TNS1: variants seen among roughly 807,000 people sequenced by gnomAD.
The protein encoded by TNS1 is tensin 1.
In TNS1, 62 loss-of-function variants were observed where a neutral mutation model predicts 168.6. That is an observed-to-expected ratio of 0.37 (90% CI 0.30 to 0.45). TNS1 has a LOEUF of 0.45. TNS1 is among the 20% of genes least tolerant of loss of function. TNS1 has a pLI of 1.00. For synonymous variants in TNS1, 934 were observed against 933.2 expected (o/e 1.00, Z -0.02); for missense variants, 2,240 against 2,339.4 (o/e 0.96, Z 0.88).
rs150914899 is a variant in TNS1 at position 217,866,293 on chromosome 2, G to A, written c.1429+14605C>T. Among the ~76,000 whole-genome samples the A allele has an allele frequency of 2.4e-3, 358 of 152,322 alleles. 2 individuals are homozygous for A. Among genetic ancestry groups the A allele is most frequent in the African/African-American group, 8.4e-3 (348 of 41,580 alleles). On this transcript the variant is annotated intron_variant, in intron 18 of 32. Coordinates refer to ENST00000682258, the MANE Select transcript of TNS1 (RefSeq NM_001387777.1). Reference sequence around the variant, plus strand: ...GTGCAATGGCAGAGGGCAAGTATAGGTGATCCCTAAAGTCCTGTTTGGATC... The same window carrying A: ...GTGCAATGGCAGAGGGCAAGTATAGATGATCCCTAAAGTCCTGTTTGGATC...
chr2:217,922,961 T>C (rs1292574589), intron 3 of TNS1, among the ~76,000 whole-genome samples: 4 of 152,296 alleles, frequency 2.6e-5, no homozygotes, highest in Non-Finnish European at 5.9e-5. Flanking sequence ...CAAAGAAATG[T>C]TTCCTTAAAA....
chr2:218,030,549 A>G (rs1958884166), intron 1 of TNS1, among the ~76,000 whole-genome samples: 1 of 152,228 alleles, frequency 6.6e-6, no homozygotes, highest in African/African-American at 2.4e-5. Context: ...CAGATGCTCA[A>G]AAATGCTTGA....
At chr2:218,020,641 T>A (rs1275288985) in intron 1 of TNS1, among the ~76,000 whole-genome samples, 1 of 152,126 alleles carries the variant, frequency 6.6e-6, no homozygotes, top group Non-Finnish European at 1.5e-5. Context: ...GAAGAAGAAC[T>A]TCTGTGTCCA....
intron 1 of TNS1, among the ~76,000 whole-genome samples, chr2:217,997,448 T>C (rs139969586): frequency 1.3e-5 from 2 of 152,202 alleles, no homozygotes; most frequent in Non-Finnish European, 2.9e-5. Context: ...TTTTTCTTTC[T>C]GACACTGATG....
At chr2:217,967,598 C>T (rs1957680171) in intron 3 of TNS1, among the ~76,000 whole-genome samples, 1 of 152,022 alleles carries the variant, frequency 6.6e-6, no homozygotes, top group Admixed American at 6.5e-5. Context: ...GCATAAACTA[C>T]CAAAACTGAC....
At chr2:217,934,407 T>C (rs560348040) in intron 3 of TNS1, among the ~76,000 whole-genome samples, 3 of 152,168 alleles carry the variant, frequency 2.0e-5, no homozygotes, top group East Asian at 3.9e-4. Context: ...CCGGGGAGAA[T>C]TTCCGGAGCC....
In TNS1 at chr2:218,032,523, G is replaced by C. The variant is rs1958906319; in HGVS notation, c.156+1297C>G. ...GCAGGGCCTGGGGCAGGAATGGGGG[G>C]TGTGTCTGCAGCAGGACTGGCAGTG... On this transcript the variant is annotated intron_variant, in intron 1 of 1. Transcript: ENST00000649572. The surrounding 1 kb of genome is among the most constrained non-coding windows in gnomAD (Gnocchi z 4.0). Among the ~76,000 whole-genome samples, 2 of 152,206 alleles carry C rather than the reference G, an allele frequency of 1.3e-5. No homozygotes were observed. Among genetic ancestry groups the C allele is most frequent in the Non-Finnish European group, 1.5e-5 (1 of 68,010 alleles).
intron 2 of TNS1, among the ~76,000 whole-genome samples, chr2:217,989,225 C>T (rs1184995693): frequency 6.6e-6 from 1 of 152,176 alleles, no homozygotes; most frequent in African/African-American, 2.4e-5. Context: ...GAGGTCTGTA[C>T]TCTGTCTTGG....
chr2:218,022,133 G>T (rs1263168217), intron 1 of TNS1, among the ~76,000 whole-genome samples: 3 of 152,184 alleles, frequency 2.0e-5, no homozygotes, highest in Admixed American at 6.5e-5. Flanking sequence ...AGAGGAATAG[G>T]CACAGGGAGA....
chr2:217,989,186 G>A (rs1441317933), intron 2 of TNS1, among the ~76,000 whole-genome samples: 1 of 152,234 alleles, frequency 6.6e-6, no homozygotes, highest in Non-Finnish European at 1.5e-5. Context: ...GGCAAAGGCT[G>A]AGCCCACCAG....
At position 218,025,309 on chromosome 2, in the gene TNS1, C is replaced by T. The variant is rs191216458; in HGVS notation, c.156+8511G>A. Among the ~76,000 whole-genome samples the T allele has an allele frequency of 4.3e-3, 660 of 152,220 alleles. 28 individuals carry two copies. The highest frequency in any genetic ancestry group is 0.039 in the Admixed American group (602 of 15,300). On this transcript the variant is annotated intron_variant, in intron 1 of 1. Coordinates refer to the TNS1 transcript ENST00000649572. ...TGTCACCCAGGGTGGAGTGCAGTGG[C>T]ATGATCTCATCTCACTGCAACCTCT...
chr2:217,955,304 C>T (rs1316336334), intron 3 of TNS1, among the ~76,000 whole-genome samples: 1 of 152,216 alleles, frequency 6.6e-6, no homozygotes, highest in Non-Finnish European at 1.5e-5. Flanking sequence ...TCCCTTCTAG[C>T]CAGCTTCCCC....
intron 3 of TNS1, among the ~76,000 whole-genome samples, chr2:217,943,038 G>C (rs1385866112): frequency 6.6e-6 from 1 of 152,232 alleles, no homozygotes; most frequent in Non-Finnish European, 1.5e-5. Context: ...CCTGGGAACG[G>C]GTGGCAGGCA....
chr2:217,837,256 C>T (rs527661088), intron 19 of TNS1, among the ~76,000 whole-genome samples: 2 of 152,284 alleles, frequency 1.3e-5, no homozygotes, highest in East Asian at 1.9e-4. Flanking sequence ...AGGAATGTGC[C>T]AGTACAGCCA....
intron 4 of TNS1, among the ~76,000 whole-genome samples, chr2:217,909,456 T>C (rs1358127793): frequency 1.3e-5 from 2 of 152,120 alleles, no homozygotes; most frequent in African/African-American, 4.8e-5. Context: ...CTTCCTCCTC[T>C]GGTTAAAGCC....
chr2:217,918,300 G>A (rs76299306), intron 4 of TNS1, among the ~76,000 whole-genome samples: 1,738 of 152,340 alleles, frequency 0.011, 30 homozygotes, highest in African/African-American at 0.04. Flanking sequence ...GAGCGGGGGA[G>A]CTGGGATGCA....
At chr2:217,898,818 G>A (rs1355455599) in intron 7 of TNS1, among the ~76,000 whole-genome samples, 5 of 152,172 alleles carry the variant, frequency 3.3e-5, no homozygotes, top group Non-Finnish European at 7.4e-5. Flanking sequence ...GGAGGGGCTC[G>A]CATCTTTACA....
intron 12 of TNS1, among the ~76,000 whole-genome samples, chr2:217,890,062 G>A (rs964688549): frequency 6.6e-6 from 1 of 152,188 alleles, no homozygotes; most frequent in Admixed American, 6.5e-5. Flanking sequence ...GTACTTTCCA[G>A]TTCTGCCACT....
intron 11 of TNS1, among the ~76,000 whole-genome samples, chr2:217,891,920 A>G (rs1238762317): frequency 6.6e-6 from 1 of 152,018 alleles, no homozygotes; most frequent in Admixed American, 6.5e-5. Flanking sequence ...TTCTCCAACC[A>G]TGGACCTGCC....
Sources: gnomAD v4.1 joint callset for allele counts (sites outside exome capture counted in the v4.1 genomes callset) on GRCh38, gnomAD v4.1.1 for gene constraint, Gnocchi (gnomAD v3.1) non-coding constraint, MANE v1.5 for transcripts, NCBI Gene and HGNC (gene_info 2026-07-23, HGNC 2026-07-21) for gene names.